SRPRA: variants seen among roughly 807,000 people sequenced by gnomAD.
The protein encoded by SRPRA is SRP receptor subunit alpha.
In SRPRA, 30 loss-of-function variants were observed where a neutral mutation model predicts 61.1. The observed-to-expected ratio is 0.49, with a 90% confidence interval of 0.37 to 0.67. The LOEUF is 0.67. SRPRA is among the 30% of genes least tolerant of loss of function. The pLI, the probability that SRPRA is intolerant of heterozygous loss-of-function variation, is 0.00. For missense variants in SRPRA, 759 were observed against 828.4 expected, an observed-to-expected ratio of 0.92 and a Z score of 1.03; for synonymous variants, 324 against 299.7, an observed-to-expected ratio of 1.08 and a Z score of -0.84.
chr11:126,265,908 G>C lies in SRPRA; in HGVS notation c.1051+55C>G. On this transcript the variant is annotated intron_variant, in intron 8 of 13. Transcript: ENST00000332118. The surrounding 1 kb of genome is among the most constrained non-coding windows in gnomAD (Gnocchi z 6.3). ...CAGGTGAGAAACGCTAGGTGATTCT[G>C]CTCTCAACTACCCCTATCCCGCGAG... 1 of 1,609,062 alleles carries C rather than the reference G, an allele frequency of 6.2e-7. No homozygotes were observed. Among genetic ancestry groups the C allele is most frequent in the Middle Eastern group, 1.7e-4 (1 of 6,050 alleles).
chr11:126,263,891 G>T lies in SRPRA; in HGVS notation c.*25C>A, dbSNP rs374490771. 1.9e-6 allele frequency: 3 copies of T among 1,611,804 alleles called. No individual in the cohort carries two copies. The highest frequency in any genetic ancestry group is 3.5e-4 in the Middle Eastern group (2 of 5,772). On this transcript the variant is annotated 3_prime_UTR_variant, in exon 14 of 14. Transcript: ENST00000332118. ...AAGAAGGGCTTGTGGGGAAAGCGGC[G>T]ATTTGGTATTGGGCAAGAGCCACGT...
the SRPRA span, among the ~76,000 whole-genome samples, chr11:126,253,827 A>G: frequency 1.3e-5 from 2 of 152,236 alleles, no homozygotes; most frequent in Non-Finnish European, 2.9e-5. This position sits in a 1 kb window ranked among gnomAD's most constrained non-coding sequence, Gnocchi z 5.1. Flanking sequence ...AAAGTAACAC[A>G]AGAGAAGTAA....
the SRPRA span, among the ~76,000 whole-genome samples, chr11:126,243,635 G>A: frequency 2.0e-5 from 3 of 152,058 alleles, no homozygotes; most frequent in Non-Finnish European, 4.4e-5. Context: ...CAGGTGCGGT[G>A]GCTCACACCT....
At chr11:126,266,704 C>T (rs1950815805) in intron 5 of SRPRA, 59 bp downstream of exon 5, 1 of 1,609,304 alleles carries the variant, frequency 6.2e-7, no homozygotes, top group East Asian at 2.2e-5. Flanking sequence ...CCAGAACTCC[C>T]TTGCACCCAT....
chr11:126,259,804 T>C (rs1342422944), downstream of SRPRA, among the ~76,000 whole-genome samples: 1 of 149,468 alleles, frequency 6.7e-6, no homozygotes, highest in African/African-American at 2.5e-5. Flanking sequence ...CACTGCAAGC[T>C]CTGCCTCCTG....
Position 126,264,566 on chromosome 11 carries a change from A to G in SRPRA, c.1526-27T>C. The G allele has an allele frequency of 6.2e-7, 1 of 1,610,420 alleles. No individual in the cohort carries two copies. Among genetic ancestry groups the G allele is most frequent in the Non-Finnish European group, 8.5e-7 (1 of 1,179,198 alleles). On this transcript the variant is annotated intron_variant, in intron 11 of 13. Transcript: ENST00000332118. This position sits in a 1 kb window ranked among gnomAD's most constrained non-coding sequence, Gnocchi z 5.0. ...TAGAGAAAGAAAGTAGTCAACTCTG[A>G]ACACCTGGACTACCACTCATGCTCG...
the SRPRA span, chr11:126,241,182 T>C: frequency 1.1e-6 from 1 of 945,876 alleles, no homozygotes; most frequent in Non-Finnish European, 1.6e-6. Flanking sequence ...TTCCATAACA[T>C]TTGACTCTTC....
At chr11:126,237,449 G>C in the SRPRA span, among the ~76,000 whole-genome samples, 1 of 143,740 alleles carries the variant, frequency 7.0e-6, no homozygotes, top group South Asian at 2.2e-4. Context: ...TGTTGACCAG[G>C]CTGATCTCAA....
In SRPRA at chr11:126,266,618, T is replaced by G; in HGVS notation, c.698A>C (p.Lys233Thr). 6.2e-7 allele frequency: 1 copy of G among 1,613,856 alleles called. No individual in the cohort carries two copies. Among genetic ancestry groups the G allele is most frequent in the South Asian group, 1.1e-5 (1 of 91,048 alleles). The change falls in exon 6 of 14, where the codon AAG becomes ACG. Residue 233 changes from lysine (K) to threonine (T), a missense_variant. Around this residue, in one of 2 missense-constraint regions of SRPRA, gnomAD observed 475 missense variants for 462.5 expected, o/e 1.03. Transcript: ENST00000332118. ...RGMEKSNKSTKSDAPKEKGKK... is the reference protein window; with the variant it reads ...RGMEKSNKSTTSDAPKEKGKK... ...GCCCTTCTCCTTTGGAGCATCTGAC[T>G]TCGTGGACTTGCTGCAACAGGTTAT...
At chr11:126,254,871 TCTTAA>T in the SRPRA span, among the ~76,000 whole-genome samples, 1 of 152,170 alleles carries the variant, frequency 6.6e-6, no homozygotes, top group Non-Finnish European at 1.5e-5. Context: ...TTCCTGTGCT[TCTTAA>T]CTTATGGGTG....
chr11:126,241,194 G>A, the SRPRA span: 1 of 826,070 alleles, frequency 1.2e-6, no homozygotes, highest in Non-Finnish European at 1.8e-6. Context: ...TGACTCTTCT[G>A]CGCAATGTCT....
In SRPRA at chr11:126,264,155, C is replaced by G; in HGVS notation, c.1788+36G>C. The stretch of plus-strand genomic sequence containing the variant: ...TCCTTGCAGCCTCAGCTCCTTTGTG[C>G]AGGACGCCCATTCCAGCCTCCAGTC... On this transcript the variant is annotated intron_variant, in intron 13 of 13. Transcript: ENST00000332118. The surrounding 1 kb of genome is among the most constrained non-coding windows in gnomAD (Gnocchi z 5.0). 1 of 1,612,274 alleles carries G rather than the reference C, an allele frequency of 6.2e-7. No homozygotes were observed. Among genetic ancestry groups the G allele is most frequent in the Non-Finnish European group, 8.5e-7 (1 of 1,178,866 alleles).
the SRPRA span, among the ~76,000 whole-genome samples, chr11:126,251,632 T>C: frequency 6.6e-6 from 1 of 152,208 alleles, no homozygotes. Flanking sequence ...GATCCCCTCC[T>C]GAGAGACCTT....
At chr11:126,261,440 A>G (rs138767340), downstream of SRPRA, 60 of 1,613,080 alleles carry the variant, frequency 3.7e-5, 1 homozygote, top group African/African-American at 5.1e-4. Context: ...ATGGTGAGAG[A>G]AGGTCAGCTA....
the SRPRA span, among the ~76,000 whole-genome samples, chr11:126,242,228 A>G: frequency 3.3e-5 from 5 of 152,146 alleles, no homozygotes; most frequent in Admixed American, 3.3e-4. Flanking sequence ...GCAAAAAACT[A>G]AAGTAAAAAA....
chr11:126,262,471 G>C, downstream of SRPRA: 2 of 336,956 alleles, frequency 5.9e-6, no homozygotes, highest in Non-Finnish European at 1.1e-5. Flanking sequence ...GAAGGACTCG[G>C]GGTCTGGATG....
At chr11:126,256,089 G>A in the SRPRA span, among the ~76,000 whole-genome samples, 2 of 152,206 alleles carry the variant, frequency 1.3e-5, no homozygotes, top group Non-Finnish European at 2.9e-5. This position sits in a 1 kb window ranked among gnomAD's most constrained non-coding sequence, Gnocchi z 6.6. Flanking sequence ...TGGCCAACAT[G>A]GCAAAACCCC....
chr11:126,248,721 A>G, the SRPRA span, among the ~76,000 whole-genome samples: 2 of 152,194 alleles, frequency 1.3e-5, no homozygotes, highest in Non-Finnish European at 2.9e-5. Flanking sequence ...TACTCCTGCA[A>G]TAATGACATT....
rs774941675 is a variant in SRPRA at position 126,264,365 on chromosome 11, C to T, written c.1689+11G>A. The stretch of plus-strand genomic sequence containing the variant: ...CTCAAGTTGTAAAGGGAACTGGGCC[C>T]ACGCTCTCACCAGCTGGTCCACGGC... On this transcript the variant is annotated intron_variant, in intron 12 of 13. Coordinates refer to ENST00000332118, the MANE Select transcript of SRPRA (RefSeq NM_003139.4). The surrounding 1 kb of genome is among the most constrained non-coding windows in gnomAD (Gnocchi z 5.0). The T allele has an allele frequency of 1.2e-6, 2 of 1,614,016 alleles. No homozygotes were observed. The highest frequency in any genetic ancestry group is 1.3e-5 in the African/African-American group (1 of 74,920).
Sources: allele counts gnomAD v4.1 joint callset (sites outside exome capture counted in the v4.1 genomes callset), GRCh38; gene constraint gnomAD v4.1.1; regional missense constraint gnomAD v4.1.1; non-coding constraint Gnocchi (gnomAD v3.1); transcripts MANE v1.5; gene names NCBI Gene and HGNC (gene_info 2026-07-23, HGNC 2026-07-21).